The following SNX24 variants were observed in gnomAD, a reference collection of about 807,000 sequenced individuals.
SNX24 encodes sorting nexin-24.
In SNX24, 22 loss-of-function variants were observed where a neutral mutation model predicts 28.7. That is an observed-to-expected ratio of 0.77 (90% CI 0.55 to 1.10). SNX24 has a LOEUF of 1.10. Among genes scored for constraint, SNX24 ranks in the 50% least tolerant of loss-of-function variants. The pLI is 0.00. For missense variants in SNX24, 221 were observed against 201.1 expected (o/e 1.10, Z -0.60); for synonymous variants, 69 against 71.5 (o/e 0.96, Z 0.18).
intron 1 of SNX24, among the ~76,000 whole-genome samples, chr5:122,859,450 A>T (rs571078003): frequency 1.1e-4 from 17 of 152,252 alleles, no homozygotes; most frequent in African/African-American, 3.6e-4. Context: ...CAAATAATTT[A>T]AAAAATTAGC....
At chr5:123,024,700 GT>G (rs1305365956) in intron 5 of SNX24, among the ~76,000 whole-genome samples, 1 of 152,218 alleles carries the variant, frequency 6.6e-6, no homozygotes, top group Non-Finnish European at 1.5e-5. Context: ...TCCCAAACTT[GT>G]GTTAGATAGA....
chr5:122,957,019 T>C (rs1277557242), intron 3 of SNX24, among the ~76,000 whole-genome samples: 2 of 152,206 alleles, frequency 1.3e-5, no homozygotes, highest in Non-Finnish European at 2.9e-5. Context: ...TAAATTTTCA[T>C]GAAGTGCCAT....
intron 1 of SNX24, among the ~76,000 whole-genome samples, chr5:122,869,722 G>A (rs1755886953): frequency 6.6e-6 from 1 of 152,094 alleles, no homozygotes; most frequent in African/African-American, 2.4e-5. Context: ...CTCATAATTT[G>A]TATGGAAATC....
chr5:122,912,384 G>A (rs1039153819), intron 1 of SNX24, among the ~76,000 whole-genome samples: 14 of 151,568 alleles, frequency 9.2e-5, no homozygotes, highest in Admixed American at 7.2e-4. Context: ...AGACAATGGG[G>A]TTTTCTAGAT....
At position 122,993,920 on chromosome 5, in the gene SNX24, T is replaced by C. The variant is rs928018195; in HGVS notation, c.250-5992T>C. Among the ~76,000 whole-genome samples the C allele has an allele frequency of 4.6e-5, 7 of 152,268 alleles. No homozygotes were observed. In the East Asian group the frequency reaches 5.8e-4, roughly 13 times the overall value. On this transcript the variant is annotated intron_variant, in intron 3 of 6. Coordinates refer to ENST00000261369, the MANE Select transcript of SNX24 (RefSeq NM_014035.4). ...GCCGGACATTTCAAACCAAACTAGATGGAATGGAGAAAGAGCTTAAAGTGC... is the reference window on the plus strand; with the variant it reads ...GCCGGACATTTCAAACCAAACTAGACGGAATGGAGAAAGAGCTTAAAGTGC...
chr5:123,008,946 A>T lies in SNX24; in HGVS notation c.*1197A>T. 7 of 985,472 alleles carry T rather than the reference A, an allele frequency of 7.1e-6. No individual in the cohort carries two copies. Among genetic ancestry groups the T allele is most frequent in the Non-Finnish European group, 8.4e-6 (7 of 829,560 alleles). 61.0% of individuals were successfully genotyped at this position (985,472 alleles called of 1,614,324 possible). On this transcript the variant is annotated 3_prime_UTR_variant, in exon 7 of 7. Transcript: ENST00000261369. ...CCTATTTATGGTTATTCGTTTTAGT[A>T]AGTTCTGTGGGAGCAAGGTATTTAA...
Position 122,904,383 on chromosome 5 carries a change from A to G in SNX24, c.61-32351A>G, listed in dbSNP as rs545662363. On this transcript the variant is annotated intron_variant, in intron 1 of 6. Transcript: ENST00000261369. ...TTTTTAGTAGAGACGGGGTTTCTCC[A>G]TGTTGGCCAGGCTGGTCTCAAACTC... 3.9e-3 allele frequency among the ~76,000 whole-genome samples: 593 copies of G among 152,116 alleles called. 16 individuals are homozygous for G. Among genetic ancestry groups the G allele is most frequent in the Admixed American group, 0.031 (479 of 15,294 alleles).
intron 3 of SNX24, among the ~76,000 whole-genome samples, chr5:122,962,203 T>A (rs1214175059): frequency 6.6e-6 from 1 of 152,204 alleles, no homozygotes; most frequent in Non-Finnish European, 1.5e-5. Context: ...CTCAAAATGA[T>A]ATGTACTTCA....
chr5:123,024,360 C>T (rs1047148464), intron 5 of SNX24, among the ~76,000 whole-genome samples: 1 of 152,158 alleles, frequency 6.6e-6, no homozygotes. Flanking sequence ...TATAAGCCAG[C>T]GTAACAGTTA....
At chr5:122,958,944 G>C (rs372609330) in intron 3 of SNX24, among the ~76,000 whole-genome samples, 24 of 152,200 alleles carry the variant, frequency 1.6e-4, no homozygotes, top group East Asian at 7.7e-4. Flanking sequence ...AGGAATTTTT[G>C]TCTGTAGTTT....
intron 3 of SNX24, among the ~76,000 whole-genome samples, chr5:122,999,131 A>C (rs142278860): frequency 1.3e-3 from 197 of 152,300 alleles, no homozygotes; most frequent in Admixed American, 4.8e-3. Context: ...ATAGATAAGA[A>C]GATACATACT....
intron 3 of SNX24, among the ~76,000 whole-genome samples, chr5:122,982,463 A>T (rs1311871067): frequency 1.3e-5 from 2 of 152,246 alleles, no homozygotes; most frequent in Non-Finnish European, 2.9e-5. Flanking sequence ...ATGAAAACTG[A>T]TATAAAAAGC....
chr5:122,861,781 T>C (rs543863096), intron 1 of SNX24, among the ~76,000 whole-genome samples: 1 of 152,294 alleles, frequency 6.6e-6, no homozygotes, highest in African/African-American at 2.4e-5. Context: ...ATTGATTTTA[T>C]AATTCTCATT....
At chr5:122,867,479 G>A (rs1755773325) in intron 1 of SNX24, among the ~76,000 whole-genome samples, 1 of 152,154 alleles carries the variant, frequency 6.6e-6, no homozygotes, top group Non-Finnish European at 1.5e-5. Context: ...ATATGGAATG[G>A]TGCCATATTG....
intron 1 of SNX24, chr5:122,891,005 T>A: frequency 6.9e-7 from 1 of 1,447,318 alleles, no homozygotes; most frequent in Non-Finnish European, 9.1e-7. Flanking sequence ...ACCCAAAGCC[T>A]CTTTTCTGTC....
At chr5:122,937,452 G>C (rs954779975) in intron 2 of SNX24, among the ~76,000 whole-genome samples, 2 of 152,138 alleles carry the variant, frequency 1.3e-5, no homozygotes, top group African/African-American at 4.8e-5. Context: ...GGTTATTAAA[G>C]CACAGAAGAG....
chr5:123,017,126 C>T (rs886598322), intron 5 of SNX24, among the ~76,000 whole-genome samples: 6 of 151,774 alleles, frequency 4.0e-5, no homozygotes, highest in South Asian at 2.1e-4. Context: ...ATACTGCTAC[C>T]GAATTCACAA....
intron 1 of SNX24, among the ~76,000 whole-genome samples, chr5:122,876,415 G>A (rs1756226413): frequency 6.6e-6 from 1 of 152,164 alleles, no homozygotes; most frequent in Non-Finnish European, 1.5e-5. Context: ...CTGTAAGATA[G>A]TTCATTTTAA....
chr5:122,890,952 T>G, intron 1 of SNX24: 1 of 1,256,228 alleles, frequency 8.0e-7, no homozygotes, highest in Non-Finnish European at 1.0e-6. Context: ...CTGCAAGGAT[T>G]TTAAAGTAAA....
Sources: gnomAD v4.1 joint callset for allele counts (sites outside exome capture counted in the v4.1 genomes callset) on GRCh38, gnomAD v4.1.1 for gene constraint, MANE v1.5 for transcripts, NCBI Gene and HGNC (gene_info 2026-07-23, HGNC 2026-07-21) for gene names.